The following TUSC3 variants were observed in gnomAD, a reference collection of about 807,000 sequenced individuals.
TUSC3 encodes the protein dolichyl-diphosphooligosaccharide--protein glycosyltransferase subunit TUSC3.
Under a neutral mutation model 44.8 loss-of-function variants are expected in TUSC3, and 45 were observed. The ratio of observed to expected loss-of-function variants is 1.00; its 90% CI spans 0.79 to 1.29. The LOEUF (loss-of-function observed/expected upper bound fraction) is 1.29, where lower values mean the gene tolerates loss of function less well. Among genes scored for constraint, TUSC3 ranks in the 50% most tolerant of loss-of-function variants. The pLI is 0.00. For synonymous variants in TUSC3, 212 were observed against 152.9 expected (o/e 1.39, Z -2.85); for missense variants, 519 against 437.9 (o/e 1.19, Z -1.65).
the TUSC3 span, among the ~76,000 whole-genome samples, chr8:15,816,600 G>A: frequency 1.6e-4 from 24 of 152,186 alleles, no homozygotes; most frequent in South Asian, 4.1e-4. Context: ...GACTTAATTC[G>A]TAAGACGATG....
intron 1 of TUSC3, among the ~76,000 whole-genome samples, chr8:15,575,913 G>C (rs1803083328): frequency 6.6e-6 from 1 of 152,038 alleles, no homozygotes; most frequent in African/African-American, 2.4e-5. Flanking sequence ...TGGGGAAAGT[G>C]TTATAAAGGT....
intron 2 of TUSC3, among the ~76,000 whole-genome samples, chr8:15,491,442 T>C (rs1396525562): frequency 6.6e-6 from 1 of 152,174 alleles, no homozygotes; most frequent in African/African-American, 2.4e-5. Flanking sequence ...TCCCAATTTT[T>C]TTTTTTCCTT....
intron 1 of TUSC3, among the ~76,000 whole-genome samples, chr8:15,477,905 C>T (rs528443971): frequency 6.6e-6 from 1 of 152,060 alleles, no homozygotes; most frequent in Non-Finnish European, 1.5e-5. Flanking sequence ...CATAACACTA[C>T]ACAAACCAGT....
At chr8:15,730,819 A>G (rs1810691689) in intron 7 of TUSC3, 90 bp downstream of exon 7, 1 of 1,274,254 alleles carries the variant, frequency 7.8e-7, no homozygotes, top group African/African-American at 1.5e-5. Context: ...AAATATCAAG[A>G]CTTTTAAGAG....
At chr8:15,834,793 T>C in the TUSC3 span, among the ~76,000 whole-genome samples, 35 of 152,332 alleles carry the variant, frequency 2.3e-4, no homozygotes, top group African/African-American at 8.4e-4. Flanking sequence ...ATGCTACCAT[T>C]TACATAGTAC....
At chr8:15,816,599 C>A in the TUSC3 span, among the ~76,000 whole-genome samples, 8 of 152,232 alleles carry the variant, frequency 5.3e-5, no homozygotes, top group East Asian at 1.4e-3. Flanking sequence ...AGACTTAATT[C>A]GTAAGACGAT....
At chr8:15,706,706 C>T (rs1052863869) in intron 6 of TUSC3, among the ~76,000 whole-genome samples, 2 of 151,858 alleles carry the variant, frequency 1.3e-5, no homozygotes, top group South Asian at 2.1e-4. Context: ...AAAATAATTA[C>T]GCCTTCTGTA....
intron 7 of TUSC3, among the ~76,000 whole-genome samples, chr8:15,738,827 C>CTTTTTTGTTTTTT (rs1811047964): frequency 1.1e-5 from 1 of 87,172 alleles, no homozygotes; most frequent in African/African-American, 4.9e-5. Context: ...ATATATCTTG[C>CTTTTTTGTTTTTT]TTTTTTTTTT....
chr8:15,424,312 G>A lies in TUSC3; in HGVS notation n.91+7007G>A, dbSNP rs74398078. 3.9e-3 allele frequency among the ~76,000 whole-genome samples: 590 copies of A among 151,942 alleles called. 5 individuals carry two copies. The highest frequency in any genetic ancestry group is 0.013 in the African/African-American group (550 of 41,420). ...CTGGCTGTCTCAGGAGTGTATCACCGCCCCTCAGCAACTCTAGAACAACCT... is the reference window on the plus strand; with the variant it reads ...CTGGCTGTCTCAGGAGTGTATCACCACCCCTCAGCAACTCTAGAACAACCT... On this transcript the variant is annotated intron_variant and non_coding_transcript_variant, in intron 1 of 5. Coordinates refer to the TUSC3 transcript ENST00000503191.
intron 1 of TUSC3, among the ~76,000 whole-genome samples, chr8:15,608,860 G>T (rs1804644166): frequency 6.6e-6 from 1 of 152,040 alleles, no homozygotes; most frequent in Admixed American, 6.6e-5. Flanking sequence ...TTATAGCAGT[G>T]CAAAAACTGA....
At chr8:15,428,604 T>C (rs1799834519) in intron 1 of TUSC3, among the ~76,000 whole-genome samples, 1 of 152,182 alleles carries the variant, frequency 6.6e-6, no homozygotes, top group African/African-American at 2.4e-5. Flanking sequence ...AAAGTGTTCC[T>C]ATTTCTCCAC....
At chr8:15,684,403 G>T (rs1808543242) in intron 6 of TUSC3, among the ~76,000 whole-genome samples, 1 of 152,156 alleles carries the variant, frequency 6.6e-6, no homozygotes, top group Admixed American at 6.5e-5. Context: ...GGCACCGTGT[G>T]TACAACTGGT....
intron 1 of TUSC3, among the ~76,000 whole-genome samples, chr8:15,573,173 T>C (rs1358323334): frequency 1.4e-5 from 1 of 69,218 alleles, no homozygotes; most frequent in Non-Finnish European, 2.9e-5. Context: ...TCTCTTTCTC[T>C]CTCTCTCTCT....
intron 6 of TUSC3, among the ~76,000 whole-genome samples, chr8:15,682,324 T>A (rs937780824): frequency 6.6e-6 from 1 of 152,204 alleles, no homozygotes; most frequent in Non-Finnish European, 1.5e-5. Flanking sequence ...TTTTTATGAA[T>A]GTTTTATGAA....
At chr8:15,533,144 C>G (rs1161098206) in intron 2 of TUSC3, among the ~76,000 whole-genome samples, 1 of 152,158 alleles carries the variant, frequency 6.6e-6, no homozygotes, top group Non-Finnish European at 1.5e-5. Context: ...TCTTTCTTTA[C>G]GTGCCACCAT....
At chr8:15,553,213 T>C (rs567401597) in intron 1 of TUSC3, among the ~76,000 whole-genome samples, 1 of 151,804 alleles carries the variant, frequency 6.6e-6, no homozygotes, top group Non-Finnish European at 1.5e-5. Flanking sequence ...TCTGGGCTGA[T>C]GATAAAATAG....
rs529471401 is a variant in TUSC3, at chr8:15,641,331, G to A, written c.309-9366G>A. Among the ~76,000 whole-genome samples the A allele has an allele frequency of 4.7e-5, 7 of 148,686 alleles. No individual in the cohort carries two copies. The East Asian group carries it at 7.9e-4, about 17-fold the overall frequency. Reference sequence around the variant, plus strand: ...AGCCAAGATTGTGCCACTGCACTCCGGCCTGGCGACAGAGAGAGAGACTCC... The same window carrying A: ...AGCCAAGATTGTGCCACTGCACTCCAGCCTGGCGACAGAGAGAGAGACTCC... On this transcript the variant is annotated intron_variant, in intron 2 of 10. Coordinates refer to ENST00000503731, the MANE Select transcript of TUSC3 (RefSeq NM_006765.4).
intron 2 of TUSC3, among the ~76,000 whole-genome samples, chr8:15,484,611 C>T (rs894926119): frequency 6.6e-6 from 1 of 152,186 alleles, no homozygotes; most frequent in Non-Finnish European, 1.5e-5. Context: ...TCTTGAGTAC[C>T]TTGCTCTTCA....
intron 9 of TUSC3, among the ~76,000 whole-genome samples, chr8:15,756,073 A>G (rs989720990): frequency 1.3e-5 from 2 of 152,156 alleles, no homozygotes; most frequent in African/African-American, 2.4e-5. Context: ...GGGAGGTCGT[A>G]TGATATAATG....
Sources: gnomAD v4.1 joint callset for allele counts (sites outside exome capture counted in the v4.1 genomes callset) on GRCh38, gnomAD v4.1.1 for gene constraint, MANE v1.5 for transcripts, NCBI Gene and HGNC (gene_info 2026-07-23, HGNC 2026-07-21) for gene names.